RUNX2: variants seen among roughly 807,000 people sequenced by gnomAD.
RUNX2 encodes the protein RUNX family transcription factor 2.
In RUNX2, 10 loss-of-function variants were observed where a neutral mutation model predicts 51.7. That is an observed-to-expected ratio of 0.19 (90% CI 0.12 to 0.33). RUNX2 has a LOEUF of 0.33. Ranked by LOEUF, RUNX2 falls within the 10% of genes least tolerant of loss-of-function variation. The pLI, the probability that RUNX2 is intolerant of heterozygous loss-of-function variation, is 1.00. For missense variants in RUNX2, 562 were observed against 691.3 expected (o/e 0.81, Z 2.10); for synonymous variants, 276 against 273.6 (o/e 1.01, Z -0.09).
Position 45,410,531 on chromosome 6 carries a change from T to G in RUNX2, c.59-12062T>G, listed in dbSNP as rs376517068. Reference sequence around the variant, plus strand: ...ATCACATGCTACATGCCAGAACTTATGCTGACTGTGGGGGCTATCTAGGGA... The same window carrying G: ...ATCACATGCTACATGCCAGAACTTAGGCTGACTGTGGGGGCTATCTAGGGA... On this transcript the variant is annotated intron_variant, in intron 2 of 8. Coordinates refer to ENST00000647337, the MANE Select transcript of RUNX2 (RefSeq NM_001024630.4). Among the ~76,000 whole-genome samples, 77 of 152,324 alleles carry G rather than the reference T, an allele frequency of 5.1e-4. 1 individual carries two copies. The South Asian group carries it at 0.016, about 31-fold the overall frequency.
At chr6:45,458,834 CT>C (rs1799394158) in intron 5 of RUNX2, among the ~76,000 whole-genome samples, 1 of 152,242 alleles carries the variant, frequency 6.6e-6, no homozygotes, top group South Asian at 2.1e-4. Flanking sequence ...CTGAGGTGCT[CT>C]TTTGTTAATG....
intron 8 of RUNX2, 67 bp from the exon 9 acceptor site, chr6:45,546,760 A>G: frequency 7.4e-7 from 1 of 1,351,038 alleles, no homozygotes; most frequent in Non-Finnish European, 1.1e-6. Flanking sequence ...TTTTCTTGTA[A>G]CAATTCTATC....
At chr6:45,504,426 C>T (rs1171439487) in intron 6 of RUNX2, among the ~76,000 whole-genome samples, 2 of 152,132 alleles carry the variant, frequency 1.3e-5, no homozygotes, top group African/African-American at 2.4e-5. Flanking sequence ...ATAAATTATT[C>T]GTCCAAGCCT....
Position 45,438,011 on chromosome 6 carries a change from A to T in RUNX2, c.645A>T (p.Arg215Ser), listed in dbSNP as rs759679284. ...CTCCCCAAGTAGCTACCTATCACAG[A>T]GCAATTAAAGTTACAGTAGATGGAC... ...TNPPQVATYH[R>S]AIKVTVDGPR... Residue 215 changes from arginine to serine, a missense_variant, in exon 5 of 9, where the codon AGA (arginine) becomes AGT (serine). By Grantham distance (110) the Arg-to-Ser change is moderately radical. Coordinates refer to ENST00000647337, the MANE Select transcript of RUNX2 (RefSeq NM_001024630.4). 1 of 1,613,446 alleles carries T rather than the reference A, an allele frequency of 6.2e-7. No homozygotes were observed.
chr6:45,432,045 T>A (rs768328701), intron 4 of RUNX2, 26 bp downstream of exon 4: 1 of 1,610,376 alleles, frequency 6.2e-7, no homozygotes, highest in Non-Finnish European at 8.5e-7. Context: ...TTGATACTGA[T>A]AATAGAATAA....
At chr6:45,376,992 T>TA (rs1796880941) in intron 2 of RUNX2, among the ~76,000 whole-genome samples, 1 of 152,210 alleles carries the variant, frequency 6.6e-6, no homozygotes, top group African/African-American at 2.4e-5. Context: ...ACGTGTACAG[T>TA]AATACTACGT....
chr6:45,502,342 G>A (rs149082748), intron 6 of RUNX2, among the ~76,000 whole-genome samples: 9 of 152,198 alleles, frequency 5.9e-5, no homozygotes, highest in African/African-American at 1.9e-4. Flanking sequence ...AATAGGGTTC[G>A]GTAATTTTCC....
At chr6:45,370,955 C>A (rs1382614366) in intron 2 of RUNX2, among the ~76,000 whole-genome samples, 2 of 152,146 alleles carry the variant, frequency 1.3e-5, no homozygotes, top group Non-Finnish European at 2.9e-5. Flanking sequence ...CCCTAAGGTG[C>A]ACTGCAAATG....
intron 2 of RUNX2, among the ~76,000 whole-genome samples, chr6:45,348,036 T>G (rs900489592): frequency 6.6e-6 from 1 of 152,080 alleles, no homozygotes; most frequent in African/African-American, 2.4e-5. Flanking sequence ...TACACATGTG[T>G]GGATATGTGG....
intron 2 of RUNX2, among the ~76,000 whole-genome samples, chr6:45,402,120 C>G (rs975772802): frequency 2.6e-5 from 4 of 152,216 alleles, no homozygotes; most frequent in Non-Finnish European, 5.9e-5. Context: ...ATCTATCTCT[C>G]CACAAATTTT....
chr6:45,381,959 G>T (rs1441033217), intron 2 of RUNX2, among the ~76,000 whole-genome samples: 2 of 152,088 alleles, frequency 1.3e-5, no homozygotes, highest in Non-Finnish European at 2.9e-5. Flanking sequence ...ATCCTCTTAG[G>T]GACCTATCAT....
chr6:45,529,973 C>T (rs1023752458), intron 7 of RUNX2, among the ~76,000 whole-genome samples: 5 of 152,102 alleles, frequency 3.3e-5, no homozygotes, highest in Non-Finnish European at 5.9e-5. Flanking sequence ...TGAAAATCAC[C>T]GCACAGGTGG....
At position 45,399,533 on chromosome 6, in the gene RUNX2, T is replaced by C. The variant is rs564921669; in HGVS notation, c.59-23060T>C. Among the ~76,000 whole-genome samples, 3 of 151,916 alleles carry C rather than the reference T, an allele frequency of 2.0e-5. No homozygotes were observed. The South Asian group carries it at 6.3e-4, about 32-fold the overall frequency. ...CACCACCACGCCCAGCTAATTTTTG[T>C]ATTTTTAGTAGAGACGGGGTTTCAC... On this transcript the variant is annotated intron_variant, in intron 2 of 8. Coordinates refer to ENST00000647337, the MANE Select transcript of RUNX2 (RefSeq NM_001024630.4).
chr6:45,348,168 T>C (rs1791275905), intron 2 of RUNX2, among the ~76,000 whole-genome samples: 1 of 152,100 alleles, frequency 6.6e-6, no homozygotes, highest in Admixed American at 6.6e-5. Context: ...CATTATTTAA[T>C]AATTAAGAAA....
At chr6:45,462,412 A>G (rs568963821) in intron 5 of RUNX2, among the ~76,000 whole-genome samples, 4 of 152,360 alleles carry the variant, frequency 2.6e-5, no homozygotes, top group African/African-American at 9.6e-5. Context: ...GGAGGGATGT[A>G]TAAGAAGACC....
intron 2 of RUNX2, among the ~76,000 whole-genome samples, chr6:45,386,667 G>A (rs1797355061): frequency 6.6e-6 from 1 of 152,190 alleles, no homozygotes; most frequent in Non-Finnish European, 1.5e-5. Context: ...TTACTGTTGA[G>A]AAGATGACGC....
chr6:45,503,240 G>A (rs1341902510), intron 6 of RUNX2, among the ~76,000 whole-genome samples: 1 of 152,134 alleles, frequency 6.6e-6, no homozygotes, highest in Non-Finnish European at 1.5e-5. Context: ...AACTCCATGG[G>A]ACCAGGGATT....
chr6:45,403,361 G>A lies in RUNX2; in HGVS notation c.59-19232G>A, dbSNP rs192564463. Among the ~76,000 whole-genome samples the A allele has an allele frequency of 2.5e-3, 375 of 150,956 alleles. 4 individuals carry two copies. The highest frequency in any genetic ancestry group is 8.8e-3 in the African/African-American group (362 of 41,230). On this transcript the variant is annotated intron_variant, in intron 2 of 8. Transcript: ENST00000647337. Reference sequence around the variant, plus strand: ...CAATTCTCCTGCCTCAGCCTCCCAAGTAGCTGGGATTACAGGCATGAGCCA... The same window carrying A: ...CAATTCTCCTGCCTCAGCCTCCCAAATAGCTGGGATTACAGGCATGAGCCA...
intron 2 of RUNX2, among the ~76,000 whole-genome samples, chr6:45,340,452 T>G (rs1789531481): frequency 6.6e-6 from 1 of 151,974 alleles, no homozygotes; most frequent in South Asian, 2.1e-4. Context: ...GCATCCCAGG[T>G]AGCTTGGACT....
Sources: gnomAD v4.1 joint callset for allele counts (sites outside exome capture counted in the v4.1 genomes callset) on GRCh38, gnomAD v4.1.1 for gene constraint, MANE v1.5 for transcripts, NCBI Gene and HGNC (gene_info 2026-07-23, HGNC 2026-07-21) for gene names.